The following DMD variants were observed in gnomAD, a reference collection of about 807,000 sequenced individuals.
DMD encodes dystrophin.
DMD carries 63 observed loss-of-function variants against 330.1 expected under a neutral mutation model. That is an observed-to-expected ratio of 0.19 (90% confidence interval 0.16 to 0.24). The LOEUF (loss-of-function observed/expected upper bound fraction) is 0.24. DMD is among the 10% of genes least tolerant of loss of function. The probability of loss-of-function intolerance (pLI) is 1.00; values close to 1 mark genes in which losing one functional copy is unlikely to be tolerated. For synonymous variants in DMD, 1,223 were observed against 959.8 expected (o/e 1.27, Z -5.07); for missense variants, 3,344 against 2,684.1 (o/e 1.25, Z -5.43).
chrX:32,699,858 A>G (rs1382147633), intron 7 of DMD, among the ~76,000 whole-genome samples: 1 of 111,895 alleles, frequency 8.9e-6, no homozygotes, highest in Non-Finnish European at 1.9e-5. Flanking sequence ...GATTTTTACT[A>G]TTCCGTGTAT....
At chrX:32,408,067 T>A (rs1054858140) in intron 30 of DMD, among the ~76,000 whole-genome samples, 1 of 110,172 alleles carries the variant, frequency 9.1e-6, no homozygotes, top group African/African-American at 3.3e-5. Context: ...GGCACATGTA[T>A]ACATATGCAA....
intron 59 of DMD, among the ~76,000 whole-genome samples, chrX:31,472,738 T>A (rs1718807601): frequency 8.9e-6 from 1 of 112,165 alleles, no homozygotes; most frequent in South Asian, 3.7e-4. Context: ...CATCATAATT[T>A]CTAGCCTACT....
intron 7 of DMD, among the ~76,000 whole-genome samples, chrX:32,802,261 C>T (rs2076626299): frequency 9.0e-6 from 1 of 111,423 alleles, no homozygotes. Context: ...ATTCTATTCT[C>T]CTTGTAGCAA....
At chrX:31,691,454 T>TA (rs1430389933) in intron 52 of DMD, among the ~76,000 whole-genome samples, 1 of 111,209 alleles carries the variant, frequency 9.0e-6, no homozygotes, top group Non-Finnish European at 1.9e-5. Flanking sequence ...TGAATGTAAA[T>TA]AGATTAAACT....
chrX:31,277,567 T>A (rs748668967), intron 62 of DMD, among the ~76,000 whole-genome samples: 1 of 111,326 alleles, frequency 9.0e-6, no homozygotes, highest in East Asian at 2.8e-4. Flanking sequence ...AGACACTGCA[T>A]GGTGTCGACT....
intron 55 of DMD, among the ~76,000 whole-genome samples, chrX:31,622,877 T>TATATACACACACACAC (rs1361969125): frequency 4.3e-5 from 3 of 70,327 alleles, no homozygotes; most frequent in African/African-American, 1.6e-4. Context: ...TATATATATA[T>TATATACACACACACAC]ACACACACAC....
chrX:32,800,756 C>T (rs1318038495), intron 7 of DMD, among the ~76,000 whole-genome samples: 2 of 110,312 alleles, frequency 1.8e-5, no homozygotes, highest in Non-Finnish European at 3.8e-5. Context: ...GCATCCATGT[C>T]TTCTGGTTGT....
At chrX:32,631,515 C>G (rs925399593) in intron 11 of DMD, among the ~76,000 whole-genome samples, 4 of 111,964 alleles carry the variant, frequency 3.6e-5, no homozygotes, top group Non-Finnish European at 3.8e-5. Flanking sequence ...AAAGAAATAT[C>G]TGATACTGGG....
chrX:31,889,325 C>T (rs1187921657), intron 47 of DMD, among the ~76,000 whole-genome samples: 1 of 111,014 alleles, frequency 9.0e-6, no homozygotes. Context: ...TAATAATATA[C>T]GTGAGTACAT....
intron 78 of DMD, among the ~76,000 whole-genome samples, chrX:31,122,877 G>GACTT (rs986636993): frequency 6.3e-5 from 7 of 111,687 alleles, no homozygotes; most frequent in Admixed American, 1.9e-4. Flanking sequence ...GATAATCTGA[G>GACTT]ACTTACTTTA....
At chrX:33,281,321 G>T (rs1351741182) in intron 1 of DMD, among the ~76,000 whole-genome samples, 1 of 108,084 alleles carries the variant, frequency 9.3e-6, no homozygotes, top group Non-Finnish European at 1.9e-5. Context: ...AGACCCTCAT[G>T]CCTCAGCCTC....
intron 21 of DMD, among the ~76,000 whole-genome samples, chrX:32,483,170 A>G (rs2042085508): frequency 2.9e-5 from 1 of 34,916 alleles, no homozygotes; most frequent in Non-Finnish European, 6.5e-5. Flanking sequence ...TATATACACC[A>G]TATTTAATTA....
intron 44 of DMD, among the ~76,000 whole-genome samples, chrX:32,041,219 T>G (rs2095999443): frequency 8.9e-6 from 1 of 112,312 alleles, no homozygotes; most frequent in Non-Finnish European, 1.9e-5. Flanking sequence ...CTAAGCATCA[T>G]CTCTTCTTCC....
At chrX:33,332,252 T>C (rs1183665261) in intron 1 of DMD, among the ~76,000 whole-genome samples, 1 of 111,930 alleles carries the variant, frequency 8.9e-6, no homozygotes, top group Non-Finnish European at 1.9e-5. Context: ...ATTTAATTCC[T>C]CTAAAGCTTT....
chrX:33,268,823 A>G (rs2053095299), intron 1 of DMD, among the ~76,000 whole-genome samples: 1 of 104,058 alleles, frequency 9.6e-6, no homozygotes, highest in African/African-American at 3.5e-5. Context: ...GCTGCTAGGG[A>G]GGCTGCAGCA....
intron 30 of DMD, among the ~76,000 whole-genome samples, chrX:32,404,293 G>A (rs752073556): frequency 2.7e-5 from 3 of 111,694 alleles, no homozygotes; most frequent in South Asian, 7.5e-4. Context: ...AAGAGAAGGA[G>A]GAAGTCTGGT....
intron 74 of DMD, among the ~76,000 whole-genome samples, chrX:31,156,440 C>T (rs1416857196): frequency 8.9e-6 from 1 of 112,178 alleles, no homozygotes; most frequent in Non-Finnish European, 1.9e-5. Flanking sequence ...CTTTTTGACA[C>T]GCTGCCTTTG....
chrX:32,802,504 A>C (rs184815953), intron 7 of DMD, among the ~76,000 whole-genome samples: 52 of 111,752 alleles, frequency 4.7e-4, no homozygotes, highest in African/African-American at 1.7e-3. Flanking sequence ...CAGAACTTCC[A>C]ATACTATGTT....
chrX:33,224,865 C>T (rs1335603718), intron 1 of DMD, among the ~76,000 whole-genome samples: 1 of 111,009 alleles, frequency 9.0e-6, no homozygotes, highest in Non-Finnish European at 1.9e-5. Flanking sequence ...TGCTGTGAAC[C>T]TAAAGGTTCT....
Sources: gnomAD v4.1 joint callset for allele counts (sites outside exome capture counted in the v4.1 genomes callset) on GRCh38, gnomAD v4.1.1 for gene constraint, MANE v1.5 for transcripts, NCBI Gene and HGNC (gene_info 2026-07-23, HGNC 2026-07-21) for gene names.